Variants in ZNF521 observed in about 807,000 individuals in gnomAD.
ZNF521 encodes zinc finger protein 521.
In ZNF521, 14 loss-of-function variants were observed where a neutral mutation model predicts 105.5. The observed-to-expected ratio is 0.13, with a 90% confidence interval of 0.09 to 0.21. ZNF521 has a LOEUF of 0.21. Among genes scored for constraint, ZNF521 ranks in the 10% least tolerant of loss-of-function variants. The pLI is 1.00. For missense variants in ZNF521, 1,233 were observed against 1,629.7 expected (o/e 0.76, Z 4.19); for synonymous variants, 635 against 606.0 (o/e 1.05, Z -0.70).
intron 3 of ZNF521, among the ~76,000 whole-genome samples, chr18:25,304,950 C>A (rs1043826896): frequency 1.3e-5 from 2 of 152,130 alleles, no homozygotes; most frequent in African/African-American, 4.8e-5. Context: ...TTCTTTTGTG[C>A]CCTCATAATG....
intron 3 of ZNF521, among the ~76,000 whole-genome samples, chr18:25,230,391 C>T (rs757332479): frequency 1.3e-5 from 2 of 152,154 alleles, no homozygotes; most frequent in Non-Finnish European, 2.9e-5. Context: ...CTACTCCAAG[C>T]GGGTTGGTCC....
intron 5 of ZNF521, among the ~76,000 whole-genome samples, chr18:25,134,339 A>G (rs2034694189): frequency 1.3e-5 from 2 of 152,142 alleles, no homozygotes; most frequent in Non-Finnish European, 2.9e-5. Context: ...AGGCAACATG[A>G]GATTTGCAGA....
intron 5 of ZNF521, among the ~76,000 whole-genome samples, chr18:25,110,445 A>AAAAAAAAAAAAAAAAAAG (rs1004158349): frequency 2.6e-5 from 4 of 152,262 alleles, no homozygotes; most frequent in African/African-American, 7.2e-5. Context: ...AGGAGACCAA[A>AAAAAAAAAAAAAAAAAAG]AAAGAAAGAA....
intron 5 of ZNF521, among the ~76,000 whole-genome samples, chr18:25,167,906 A>G (rs2035375003): frequency 6.6e-6 from 1 of 152,232 alleles, no homozygotes; most frequent in Non-Finnish European, 1.5e-5. Context: ...TGAAGTATTG[A>G]ATGGCTTTTA....
At chr18:25,351,783 C>T in intron 1 of ZNF521, 1 of 162,848 alleles carries the variant, frequency 6.1e-6, no homozygotes, top group Non-Finnish European at 1.3e-5. Context: ...AGGGGGTGTG[C>T]GGGGCCCGGG....
intron 7 of ZNF521, among the ~76,000 whole-genome samples, chr18:25,067,817 G>A (rs77351656): frequency 0.068 from 10,379 of 152,160 alleles, 512 homozygotes; most frequent in Non-Finnish European, 0.1. Flanking sequence ...GGCAGAGACC[G>A]TGTCTCGTCT....
chr18:25,118,843 G>A (rs948399681), intron 5 of ZNF521, among the ~76,000 whole-genome samples: 5 of 151,934 alleles, frequency 3.3e-5, no homozygotes, highest in Non-Finnish European at 7.4e-5. Flanking sequence ...TTGTCAGAAT[G>A]AATAAAAATG....
At chr18:25,218,916 A>T (rs573109547) in intron 4 of ZNF521, among the ~76,000 whole-genome samples, 1 of 152,008 alleles carries the variant, frequency 6.6e-6, no homozygotes, top group African/African-American at 2.4e-5. Flanking sequence ...GTCCACTTAT[A>T]TGTGTATTTT....
At chr18:25,197,508 T>C (rs2035922600) in intron 4 of ZNF521, among the ~76,000 whole-genome samples, 1 of 151,804 alleles carries the variant, frequency 6.6e-6, no homozygotes. Context: ...TTATAGATTA[T>C]TCGCAAAATA....
chr18:25,275,080 C>T (rs2144961275), intron 3 of ZNF521, among the ~76,000 whole-genome samples: 1 of 152,086 alleles, frequency 6.6e-6, no homozygotes, highest in South Asian at 2.1e-4. Context: ...AAAATATTGC[C>T]AAAAAAACTT....
chr18:25,334,047 C>T (rs1913739920), intron 2 of ZNF521, among the ~76,000 whole-genome samples: 1 of 152,158 alleles, frequency 6.6e-6, no homozygotes, highest in African/African-American at 2.4e-5. Context: ...AAGATTTCAC[C>T]AGCAATGAAG....
intron 5 of ZNF521, among the ~76,000 whole-genome samples, chr18:25,149,802 G>A (rs1193323051): frequency 6.6e-6 from 1 of 152,194 alleles, no homozygotes; most frequent in Non-Finnish European, 1.5e-5. Flanking sequence ...AGTCCATAAT[G>A]AAAGATGAGA....
At chr18:25,294,188 T>A (rs751808999) in intron 3 of ZNF521, among the ~76,000 whole-genome samples, 7 of 152,222 alleles carry the variant, frequency 4.6e-5, no homozygotes, top group Non-Finnish European at 1.0e-4. Context: ...CACAAATGAT[T>A]TTTAAATGAT....
At chr18:25,258,359 G>T (rs45499702) in intron 3 of ZNF521, among the ~76,000 whole-genome samples, 6 of 152,170 alleles carry the variant, frequency 3.9e-5, no homozygotes, top group Non-Finnish European at 7.4e-5. Flanking sequence ...ACAGTGATAG[G>T]ATTAGGCCCA....
intron 3 of ZNF521, among the ~76,000 whole-genome samples, chr18:25,319,909 G>A (rs549405535): frequency 9.9e-5 from 15 of 152,222 alleles, no homozygotes; most frequent in African/African-American, 3.1e-4. Context: ...TTTAATCCTT[G>A]GGAAACATCA....
intron 3 of ZNF521, among the ~76,000 whole-genome samples, chr18:25,261,690 A>G (rs1007988186): frequency 2.6e-5 from 4 of 151,384 alleles, no homozygotes; most frequent in African/African-American, 9.7e-5. Flanking sequence ...AAGCCACTCA[A>G]TGAAGAGATT....
chr18:25,252,109 C>T (rs1908162596), intron 3 of ZNF521, among the ~76,000 whole-genome samples: 1 of 152,058 alleles, frequency 6.6e-6, no homozygotes, highest in Non-Finnish European at 1.5e-5. Context: ...TGGCTAATAG[C>T]TTTTGTATAG....
intron 3 of ZNF521, among the ~76,000 whole-genome samples, chr18:25,277,980 T>A (rs781384346): frequency 6.6e-6 from 1 of 152,134 alleles, no homozygotes; most frequent in Non-Finnish European, 1.5e-5. Context: ...TATCCAAATT[T>A]TGTGACAATG....
intron 7 of ZNF521, among the ~76,000 whole-genome samples, chr18:25,084,137 A>T (rs2033568795): frequency 6.6e-6 from 1 of 151,882 alleles, no homozygotes; most frequent in Non-Finnish European, 1.5e-5. Flanking sequence ...GGACTATAGC[A>T]GTATGTAATA....
Sources: gnomAD v4.1 joint callset for allele counts (sites outside exome capture counted in the v4.1 genomes callset) on GRCh38, gnomAD v4.1.1 for gene constraint, MANE v1.5 for transcripts, NCBI Gene and HGNC (gene_info 2026-07-23, HGNC 2026-07-21) for gene names.